The following CACNB2 variants were observed in gnomAD, a reference collection of about 807,000 sequenced individuals.
CACNB2 encodes voltage-dependent L-type calcium channel subunit beta-2.
In CACNB2, 42 loss-of-function variants were observed where a neutral mutation model predicts 73.3. The observed-to-expected ratio is 0.57, with a 90% confidence interval of 0.45 to 0.74. The LOEUF (loss-of-function observed/expected upper bound fraction) is 0.74, where lower values mean the gene tolerates loss of function less well. Ranked by LOEUF, CACNB2 falls within the 30% of genes least tolerant of loss-of-function variation. The pLI is 0.00. For missense variants in CACNB2, 940 were observed against 853.0 expected (o/e 1.10, Z -1.27); for synonymous variants, 348 against 310.3 (o/e 1.12, Z -1.28).
chr10:18,419,050 G>C (rs142954338), intron 3 of CACNB2, among the ~76,000 whole-genome samples: 109 of 152,280 alleles, frequency 7.2e-4, no homozygotes, highest in African/African-American at 2.4e-3. Context: ...TCCTTTATGA[G>C]GCAACTCAGT....
chr10:18,466,762 A>G (rs1191363692), intron 3 of CACNB2, among the ~76,000 whole-genome samples: 1 of 152,178 alleles, frequency 6.6e-6, no homozygotes, highest in Non-Finnish European at 1.5e-5. Context: ...ACCCACAACT[A>G]TTAGAAATAT....
intron 2 of CACNB2, among the ~76,000 whole-genome samples, chr10:18,322,095 G>T (rs2040418531): frequency 6.6e-6 from 1 of 152,162 alleles, no homozygotes; most frequent in South Asian, 2.1e-4. Context: ...GTTGGAGGCT[G>T]TGGTGAGCTA....
chr10:18,307,966 A>AAAAT (rs1180816859), intron 2 of CACNB2, among the ~76,000 whole-genome samples: 1 of 136,526 alleles, frequency 7.3e-6, no homozygotes, highest in African/African-American at 2.9e-5. Context: ...ACTTAAGTCT[A>AAAAT]AAATAATATA....
At chr10:18,414,429 C>T (rs960844775) in intron 3 of CACNB2, among the ~76,000 whole-genome samples, 1 of 150,826 alleles carries the variant, frequency 6.6e-6, no homozygotes, top group Non-Finnish European at 1.5e-5. Flanking sequence ...TTATGGGTAA[C>T]AGTCACATGT....
intron 2 of CACNB2, among the ~76,000 whole-genome samples, chr10:18,351,421 A>G (rs184698105): frequency 1.1e-3 from 174 of 152,326 alleles, no homozygotes; most frequent in African/African-American, 4.0e-3. Context: ...GTGATCTGCT[A>G]TATACAATGA....
At chr10:18,363,890 A>C (rs2042240302) in intron 2 of CACNB2, among the ~76,000 whole-genome samples, 1 of 151,838 alleles carries the variant, frequency 6.6e-6, no homozygotes, top group Non-Finnish European at 1.5e-5. Context: ...TAAAAATGTT[A>C]ATACTGGCAA....
chr10:18,281,228 G>A (rs1488925913), intron 2 of CACNB2, among the ~76,000 whole-genome samples: 9 of 152,182 alleles, frequency 5.9e-5, no homozygotes, highest in Admixed American at 5.2e-4. Context: ...AAATTGCCCA[G>A]GGAAGATACA....
intron 2 of CACNB2, among the ~76,000 whole-genome samples, chr10:18,175,800 A>G (rs2033553661): frequency 6.6e-6 from 1 of 152,100 alleles, no homozygotes; most frequent in Admixed American, 6.5e-5. Context: ...GTTTCACCAC[A>G]TTGGTCAGGC....
intron 2 of CACNB2, among the ~76,000 whole-genome samples, chr10:18,196,660 G>A (rs1030386027): frequency 4.6e-5 from 7 of 152,126 alleles, no homozygotes; most frequent in Non-Finnish European, 8.8e-5. Flanking sequence ...ATCACTTACT[G>A]ATGCAAGACT....
chr10:18,512,795 G>A (rs528301860), intron 6 of CACNB2, among the ~76,000 whole-genome samples: 171 of 152,300 alleles, frequency 1.1e-3, no homozygotes, highest in Non-Finnish European at 2.1e-3. Flanking sequence ...TCTGCAAAAA[G>A]TTGTCAAGAT....
chr10:18,437,355 A>AC (rs77231822), intron 3 of CACNB2, among the ~76,000 whole-genome samples: 21,635 of 152,118 alleles, frequency 0.14, 1,838 homozygotes, highest in East Asian at 0.26. Flanking sequence ...ATGGGCATGG[A>AC]CCCCCTACAA....
intron 3 of CACNB2, among the ~76,000 whole-genome samples, chr10:18,470,507 T>C (rs1487401229): frequency 6.6e-6 from 1 of 151,114 alleles, no homozygotes; most frequent in Admixed American, 6.6e-5. Context: ...GGATAGACTA[T>C]GATATACTGT....
chr10:18,477,669 G>A (rs1589472673), intron 3 of CACNB2, among the ~76,000 whole-genome samples: 3 of 152,314 alleles, frequency 2.0e-5, no homozygotes, highest in East Asian at 3.9e-4. Context: ...AAGGGGAAGA[G>A]TGGGCTGCAG....
At chr10:18,316,394 A>T (rs1163743086) in intron 2 of CACNB2, among the ~76,000 whole-genome samples, 1 of 152,120 alleles carries the variant, frequency 6.6e-6, no homozygotes, top group East Asian at 1.9e-4. Context: ...AGCCTGTATT[A>T]TCTCAAATTA....
At chr10:18,499,413 G>C (rs7080574) in intron 4 of CACNB2, among the ~76,000 whole-genome samples, 55,367 of 151,708 alleles carry the variant, frequency 0.36, 10,415 homozygotes, top group Middle Eastern at 0.54. Context: ...GTCAGGAGAT[G>C]AAGACCATCC....
chr10:18,314,427 A>G (rs1273976390), intron 2 of CACNB2, among the ~76,000 whole-genome samples: 1 of 152,208 alleles, frequency 6.6e-6, no homozygotes, highest in Non-Finnish European at 1.5e-5. Context: ...CTGAGTTATC[A>G]ATAGAGTATA....
intron 2 of CACNB2, among the ~76,000 whole-genome samples, chr10:18,211,101 T>G (rs1271999657): frequency 1.3e-5 from 2 of 152,194 alleles, no homozygotes; most frequent in Non-Finnish European, 2.9e-5. Context: ...GCTATTATTT[T>G]TGCTGTTGAT....
intron 2 of CACNB2, among the ~76,000 whole-genome samples, chr10:18,180,253 T>C (rs1420332958): frequency 6.6e-6 from 1 of 152,152 alleles, no homozygotes; most frequent in African/African-American, 2.4e-5. Flanking sequence ...TCACTCTGGC[T>C]TCTCTGCAAC....
intron 2 of CACNB2, among the ~76,000 whole-genome samples, chr10:18,322,134 C>T (rs1157971687): frequency 1.3e-5 from 2 of 151,972 alleles, no homozygotes; most frequent in East Asian, 3.9e-4. Context: ...CCAGCCTGGG[C>T]AAGAGAGCAA....
Sources: allele counts gnomAD v4.1 joint callset (sites outside exome capture counted in the v4.1 genomes callset), GRCh38; gene constraint gnomAD v4.1.1; transcripts MANE v1.5; gene names NCBI Gene and HGNC (gene_info 2026-07-23, HGNC 2026-07-21).